Variants in UNC5C observed in about 807,000 individuals in gnomAD.
The protein encoded by UNC5C is unc-5 netrin receptor C.
A neutral mutation model predicts 99.8 loss-of-function variants in UNC5C; 47 were observed. That is an observed-to-expected ratio of 0.47 (90% CI 0.37 to 0.60). UNC5C has a LOEUF of 0.60. Among genes scored for constraint, UNC5C ranks in the 20% least tolerant of loss-of-function variants. UNC5C has a pLI of 0.00. For missense variants in UNC5C, 1,062 were observed against 1,165.9 expected (o/e 0.91, Z 1.30); for synonymous variants, 487 against 452.2 (o/e 1.08, Z -0.98).
chr4:95,233,180 A>G (rs1333058773), intron 7 of UNC5C, among the ~76,000 whole-genome samples: 1 of 152,206 alleles, frequency 6.6e-6, no homozygotes, highest in African/African-American at 2.4e-5. Context: ...CTGAGAATTA[A>G]TAGAAGAGCT....
chr4:95,532,161 T>C (rs1045069361), intron 1 of UNC5C, among the ~76,000 whole-genome samples: 2 of 152,184 alleles, frequency 1.3e-5, no homozygotes, highest in Non-Finnish European at 2.9e-5. Context: ...CTTCATTAGT[T>C]AATAGTCCCA....
At chr4:95,292,236 C>CACAT (rs1553961220) in intron 3 of UNC5C, among the ~76,000 whole-genome samples, 194 of 88,728 alleles carry the variant, frequency 2.2e-3, no homozygotes, top group Non-Finnish European at 3.1e-3. Context: ...CACACACACA[C>CACAT]ATATATATAT....
intron 1 of UNC5C, among the ~76,000 whole-genome samples, chr4:95,506,356 C>T (rs1721921572): frequency 6.6e-6 from 1 of 152,002 alleles, no homozygotes; most frequent in Non-Finnish European, 1.5e-5. Context: ...TCATAAATTA[C>T]CACATTTGAC....
intron 10 of UNC5C, among the ~76,000 whole-genome samples, chr4:95,208,608 A>T (rs894454447): frequency 6.6e-6 from 1 of 152,160 alleles, no homozygotes; most frequent in African/African-American, 2.4e-5. Flanking sequence ...ACCATTGATA[A>T]CTTTGCAACA....
At chr4:95,414,073 T>C (rs1746087637) in intron 1 of UNC5C, among the ~76,000 whole-genome samples, 1 of 152,210 alleles carries the variant, frequency 6.6e-6, no homozygotes, top group East Asian at 1.9e-4. Flanking sequence ...TACCCCCAAA[T>C]ATCACACCAG....
chr4:95,210,333 T>C (rs1738034976), intron 10 of UNC5C, among the ~76,000 whole-genome samples: 1 of 152,218 alleles, frequency 6.6e-6, no homozygotes, highest in South Asian at 2.1e-4. Context: ...GATTCTCTTA[T>C]AGGCTTTCAA....
chr4:95,277,304 C>T (rs1740898191), intron 4 of UNC5C, among the ~76,000 whole-genome samples: 1 of 152,140 alleles, frequency 6.6e-6, no homozygotes, highest in Non-Finnish European at 1.5e-5. Context: ...TTTCAAATGA[C>T]TCAGTGTAGT....
intron 12 of UNC5C, among the ~76,000 whole-genome samples, chr4:95,187,327 C>T (rs965885185): frequency 6.6e-6 from 1 of 152,122 alleles, no homozygotes; most frequent in Non-Finnish European, 1.5e-5. Context: ...AAAGAGCAAT[C>T]GATAGTAATT....
chr4:95,325,620 T>C (rs1272086102), intron 2 of UNC5C, among the ~76,000 whole-genome samples: 3 of 152,178 alleles, frequency 2.0e-5, no homozygotes, highest in Non-Finnish European at 2.9e-5. Flanking sequence ...AAGCACAGTA[T>C]ACCTAAGTCT....
chr4:95,530,754 A>G (rs1296008950), intron 1 of UNC5C, among the ~76,000 whole-genome samples: 1 of 152,208 alleles, frequency 6.6e-6, no homozygotes, highest in Non-Finnish European at 1.5e-5. Context: ...ATTATTCTTC[A>G]TAAGTTGTAT....
chr4:95,391,813 A>G (rs1579378712), intron 1 of UNC5C, among the ~76,000 whole-genome samples: 1 of 123,266 alleles, frequency 8.1e-6, no homozygotes, highest in South Asian at 2.7e-4. Flanking sequence ...ACTGTGGCTC[A>G]CACCTGTAAT....
chr4:95,299,246 CA>C (rs1196135311), intron 3 of UNC5C, among the ~76,000 whole-genome samples: 1 of 152,080 alleles, frequency 6.6e-6, no homozygotes, highest in Admixed American at 6.6e-5. Context: ...TGTGCACACA[CA>C]CAGAGTAAAG....
At chr4:95,294,475 G>A (rs766912070) in intron 3 of UNC5C, among the ~76,000 whole-genome samples, 12 of 152,166 alleles carry the variant, frequency 7.9e-5, no homozygotes, top group Non-Finnish European at 1.0e-4. Flanking sequence ...ACACACGATC[G>A]AGAGGAAATC....
At chr4:95,517,827 A>G (rs767695605) in intron 1 of UNC5C, among the ~76,000 whole-genome samples, 9 of 152,172 alleles carry the variant, frequency 5.9e-5, no homozygotes, top group Non-Finnish European at 8.8e-5. Context: ...CACTGTTTCT[A>G]AACACGCTGT....
chr4:95,235,315 A>G (rs962934846), intron 7 of UNC5C, among the ~76,000 whole-genome samples: 1 of 152,180 alleles, frequency 6.6e-6, no homozygotes, highest in Non-Finnish European at 1.5e-5. Flanking sequence ...TATAGAATAG[A>G]AAGCATATAG....
chr4:95,190,823 C>T (rs565840833), intron 12 of UNC5C, among the ~76,000 whole-genome samples: 5 of 152,316 alleles, frequency 3.3e-5, no homozygotes, highest in South Asian at 2.1e-4. Context: ...CCACTGCGGG[C>T]GCTGCCTCCA....
rs548246841 is a variant in UNC5C, at chr4:95,384,218, T to C, written c.125-48587A>G. Among the ~76,000 whole-genome samples the C allele has an allele frequency of 3.3e-5, 5 of 152,300 alleles. No individual in the cohort carries two copies. In the South Asian group the frequency reaches 1.0e-3, roughly 32 times the overall value. On this transcript the variant is annotated intron_variant, in intron 1 of 15. Transcript: ENST00000453304. ...TTTCATGAGAGAAATATTTATTGAATAACTATTACGTGCTAGGTTCTGTAC... is the reference window on the plus strand; with the variant it reads ...TTTCATGAGAGAAATATTTATTGAACAACTATTACGTGCTAGGTTCTGTAC...
chr4:95,353,250 G>A (rs568791335), intron 1 of UNC5C, among the ~76,000 whole-genome samples: 8 of 152,014 alleles, frequency 5.3e-5, no homozygotes, highest in South Asian at 2.1e-4. Flanking sequence ...ACACCTAAGC[G>A]GGTTCTAAAA....
At chr4:95,176,362 A>G (rs1168506477) in intron 14 of UNC5C, among the ~76,000 whole-genome samples, 1 of 151,434 alleles carries the variant, frequency 6.6e-6, no homozygotes, top group African/African-American at 2.4e-5. Context: ...TTTTTTCCCC[A>G]TCTTTGTGGT....
Sources: allele counts gnomAD v4.1 joint callset (sites outside exome capture counted in the v4.1 genomes callset), GRCh38; gene constraint gnomAD v4.1.1; transcripts MANE v1.5; gene names NCBI Gene and HGNC (gene_info 2026-07-23, HGNC 2026-07-21).